PLCL1: variants seen among roughly 807,000 people sequenced by gnomAD.
PLCL1 encodes phospholipase C like 1 (inactive).
PLCL1 carries 41 observed loss-of-function variants against 84.4 expected under a neutral mutation model. The observed-to-expected ratio is 0.49, with a 90% CI of 0.38 to 0.63. The LOEUF (loss-of-function observed/expected upper bound fraction) is 0.63. PLCL1 is among the 30% of genes least tolerant of loss of function. The pLI is 0.00. For missense variants in PLCL1, 1,206 were observed against 1,367.8 expected (o/e 0.88, Z 1.87); for synonymous variants, 490 against 488.3 (o/e 1.00, Z -0.05).
intron 1 of PLCL1, among the ~76,000 whole-genome samples, chr2:198,028,097 T>C (rs1691316600): frequency 6.6e-6 from 1 of 152,170 alleles, no homozygotes; most frequent in Non-Finnish European, 1.5e-5. Context: ...CATCTCAGCC[T>C]CCCAAAGTGT....
intron 5 of PLCL1, among the ~76,000 whole-genome samples, chr2:198,104,520 T>C (rs1222593784): frequency 1.3e-5 from 2 of 152,056 alleles, no homozygotes; most frequent in Non-Finnish European, 2.9e-5. Flanking sequence ...TGTGTCTTTA[T>C]GGTAGAAGGA....
intron 1 of PLCL1, among the ~76,000 whole-genome samples, chr2:197,961,737 TG>T (rs1689629011): frequency 1.3e-5 from 2 of 151,920 alleles, no homozygotes; most frequent in South Asian, 4.1e-4. Context: ...ATGTGAGAGG[TG>T]GTTTTGGAAA....
chr2:198,051,521 A>G (rs1691930310), intron 1 of PLCL1, among the ~76,000 whole-genome samples: 1 of 152,192 alleles, frequency 6.6e-6, no homozygotes, highest in African/African-American at 2.4e-5. Flanking sequence ...AATATGTAAT[A>G]TCTTCCAACC....
rs184701003 is a variant in PLCL1, at chr2:197,900,506, A to C, written c.240+95167A>C. Among the ~76,000 whole-genome samples, 527 of 152,312 alleles carry C rather than the reference A, an allele frequency of 3.5e-3. 4 individuals carry two copies. The highest frequency in any genetic ancestry group is 0.012 in the African/African-American group (489 of 41,566). ...TTGTCCAAGAGTATAAATATTCAGA[A>C]ACATTTGAGTGCAGAAGATGCTGTG... On this transcript the variant is annotated intron_variant, in intron 1 of 5. Transcript: ENST00000428675.
At chr2:198,061,343 G>C (rs532003861) in intron 1 of PLCL1, among the ~76,000 whole-genome samples, 1 of 152,256 alleles carries the variant, frequency 6.6e-6, no homozygotes, top group Admixed American at 6.5e-5. Context: ...GGAAATGCTT[G>C]AGGTGTGAAT....
intron 5 of PLCL1, among the ~76,000 whole-genome samples, chr2:198,124,057 T>C (rs1156311841): frequency 6.6e-6 from 1 of 152,072 alleles, no homozygotes; most frequent in Non-Finnish European, 1.5e-5. Flanking sequence ...ACGTTTGAGT[T>C]TCCTAGTGCA....
chr2:197,865,061 G>A (rs1687503737), intron 1 of PLCL1, among the ~76,000 whole-genome samples: 1 of 152,166 alleles, frequency 6.6e-6, no homozygotes, highest in Non-Finnish European at 1.5e-5. Flanking sequence ...CAATTAGAGT[G>A]TGAATCAAGG....
chr2:198,026,255 C>G (rs1415654353), intron 1 of PLCL1, among the ~76,000 whole-genome samples: 1 of 152,098 alleles, frequency 6.6e-6, no homozygotes, highest in South Asian at 2.1e-4. Context: ...TTTCTTAGAG[C>G]TTTTAGTAAC....
At chr2:198,125,536 AT>A (rs1446444735) in intron 5 of PLCL1, among the ~76,000 whole-genome samples, 1 of 151,812 alleles carries the variant, frequency 6.6e-6, no homozygotes, top group Non-Finnish European at 1.5e-5. Context: ...ACCAATTCCC[AT>A]TTTTTTTCAA....
chr2:198,099,539 CA>C (rs140312007), intron 3 of PLCL1, among the ~76,000 whole-genome samples: 1,657 of 152,046 alleles, frequency 0.011, 15 homozygotes, highest in African/African-American at 0.021. Flanking sequence ...CCTTATGAAA[CA>C]ATTTCATATG....
chr2:198,070,956 C>A, intron 1 of PLCL1: 1 of 319,370 alleles, frequency 3.1e-6, no homozygotes, highest in Non-Finnish European at 4.5e-6. Context: ...AAGAAAATTC[C>A]ATAATTTTGC....
intron 1 of PLCL1, among the ~76,000 whole-genome samples, chr2:197,872,559 T>C (rs1190884019): frequency 2.6e-5 from 4 of 152,160 alleles, no homozygotes; most frequent in South Asian, 2.1e-4. Context: ...TACTAGATTG[T>C]GATCATAGGC....
At chr2:198,037,389 C>T (rs1454690551) in intron 1 of PLCL1, among the ~76,000 whole-genome samples, 1 of 152,126 alleles carries the variant, frequency 6.6e-6, no homozygotes, top group African/African-American at 2.4e-5. Flanking sequence ...TGCATGTTAG[C>T]TATTTAGAGG....
Position 197,923,200 on chromosome 2 carries a change from C to CA in PLCL1, c.240+117861_240+117862insA, listed in dbSNP as rs1688749957. ...CTCCCGGACGGGGCGGCTGGCCGGG[C>CA]GGGGGGCTGACCCCCCACCTCCCTC... On this transcript the variant is annotated intron_variant, in intron 1 of 5. Transcript: ENST00000428675. Among the ~76,000 whole-genome samples the CA allele has an allele frequency of 5.1e-5, 5 of 97,120 alleles. No individual in the cohort carries two copies. The South Asian group carries it at 1.1e-3, about 22-fold the overall frequency. 63.7% of individuals were successfully genotyped at this position (97,120 alleles called of 152,430 possible). A position where few individuals can be genotyped will look rare whatever the true frequency, so the allele number is the denominator to read the frequency against.
intron 1 of PLCL1, among the ~76,000 whole-genome samples, chr2:197,909,554 GC>G (rs1339496406): frequency 6.6e-6 from 1 of 152,054 alleles, no homozygotes; most frequent in Non-Finnish European, 1.5e-5. Flanking sequence ...AGCCCCACAG[GC>G]TGACTTTGCA....
chr2:197,851,419 C>G (rs1024297479), intron 1 of PLCL1, among the ~76,000 whole-genome samples: 22 of 152,146 alleles, frequency 1.4e-4, no homozygotes, highest in Admixed American at 7.2e-4. Flanking sequence ...TTCTATTGCA[C>G]AGTGATAGAA....
chr2:198,063,622 T>G (rs2105879385), intron 1 of PLCL1, among the ~76,000 whole-genome samples: 1 of 152,256 alleles, frequency 6.6e-6, no homozygotes, highest in African/African-American at 2.4e-5. Context: ...TGAGAGCTGT[T>G]TTTCATGTCA....
intron 1 of PLCL1, among the ~76,000 whole-genome samples, chr2:197,925,268 G>A (rs1174897711): frequency 6.6e-6 from 1 of 152,122 alleles, no homozygotes; most frequent in African/African-American, 2.4e-5. Flanking sequence ...ATTTGTTTAT[G>A]TGCTATAGAA....
intron 5 of PLCL1, among the ~76,000 whole-genome samples, chr2:198,111,846 T>C (rs1693631282): frequency 6.6e-6 from 1 of 151,902 alleles, no homozygotes; most frequent in Admixed American, 6.6e-5. Flanking sequence ...GAGCACTTTC[T>C]ATGTATCAAG....
Sources: gnomAD v4.1 joint callset for allele counts (sites outside exome capture counted in the v4.1 genomes callset) on GRCh38, gnomAD v4.1.1 for gene constraint, MANE v1.5 for transcripts, NCBI Gene and HGNC (gene_info 2026-07-23, HGNC 2026-07-21) for gene names.